Variants in NELL1 observed in about 807,000 individuals in gnomAD.
The protein encoded by NELL1 is neural EGFL like 1, also known as protein kinase C-binding protein NELL1.
NELL1 carries 76 observed loss-of-function variants against 107.4 expected under a neutral mutation model. That is an observed-to-expected ratio of 0.71 (90% CI 0.59 to 0.86). The LOEUF is 0.86. NELL1 is among the 40% of genes least tolerant of loss of function. The probability of loss-of-function intolerance (pLI) is 0.00; values close to 1 mark genes in which losing one functional copy is unlikely to be tolerated. For synonymous variants in NELL1, 353 were observed against 341.2 expected (o/e 1.03, Z -0.38); for missense variants, 1,024 against 1,005.5 (o/e 1.02, Z -0.25).
intron 2 of NELL1, among the ~76,000 whole-genome samples, chr11:20,732,777 T>C (rs983736930): frequency 6.6e-6 from 1 of 152,132 alleles, no homozygotes; most frequent in Non-Finnish European, 1.5e-5. Flanking sequence ...CTGTACAAAG[T>C]TTTAAGTACC....
intron 2 of NELL1, among the ~76,000 whole-genome samples, chr11:20,755,556 G>GTTTTTTTT (rs1188989442): frequency 8.6e-5 from 2 of 23,370 alleles, no homozygotes; most frequent in African/African-American, 1.7e-4. Flanking sequence ...TTTTGTTTTT[G>GTTTTTTTT]TTTTTGTTTT....
chr11:20,767,283 G>A (rs1423154526), intron 2 of NELL1, among the ~76,000 whole-genome samples: 5 of 152,142 alleles, frequency 3.3e-5, no homozygotes, highest in Non-Finnish European at 1.5e-5. Context: ...GCATGGAAGG[G>A]GAGCTGAGTG....
chr11:21,371,428 C>T (rs145857533), intron 15 of NELL1, among the ~76,000 whole-genome samples: 17 of 152,128 alleles, frequency 1.1e-4, no homozygotes, highest in African/African-American at 3.6e-4. Flanking sequence ...TTATTAGGAA[C>T]ATTATCATTC....
chr11:21,127,472 C>G (rs910822594), intron 13 of NELL1, among the ~76,000 whole-genome samples: 1 of 151,892 alleles, frequency 6.6e-6, no homozygotes, highest in Non-Finnish European at 1.5e-5. Context: ...TGTAATTAGC[C>G]AGGCATTATG....
intron 5 of NELL1, among the ~76,000 whole-genome samples, chr11:20,893,033 C>T (rs867456817): frequency 6.6e-6 from 1 of 151,182 alleles, no homozygotes; most frequent in South Asian, 2.1e-4. Context: ...CAATGTTAGA[C>T]TAAAGAAAAT....
intron 2 of NELL1, among the ~76,000 whole-genome samples, chr11:20,776,891 G>A (rs1856762271): frequency 6.6e-6 from 1 of 152,212 alleles, no homozygotes; most frequent in Non-Finnish European, 1.5e-5. Context: ...GTGACCTTGG[G>A]CAAGTCATGA....
At chr11:21,574,790 A>G (rs534462275) in intron 19 of NELL1, among the ~76,000 whole-genome samples, 182 bp from the exon 20 acceptor site, 12 of 151,978 alleles carry the variant, frequency 7.9e-5, no homozygotes, top group Admixed American at 7.2e-4. Context: ...AGGGTCTGTC[A>G]GTCCTTCCTT....
chr11:21,182,747 G>A (rs996365579), intron 13 of NELL1, among the ~76,000 whole-genome samples: 2 of 151,612 alleles, frequency 1.3e-5, no homozygotes, highest in Non-Finnish European at 2.9e-5. Flanking sequence ...ATAGAAAAAT[G>A]GTATAATAGG....
chr11:20,992,227 G>C (rs1377504793), intron 12 of NELL1, among the ~76,000 whole-genome samples: 1 of 152,162 alleles, frequency 6.6e-6, no homozygotes, highest in Admixed American at 6.5e-5. Flanking sequence ...ACCTAACAAA[G>C]AGGACTGGGT....
At chr11:20,945,749 A>G (rs1850948781) in intron 10 of NELL1, among the ~76,000 whole-genome samples, 2 of 152,202 alleles carry the variant, frequency 1.3e-5, no homozygotes, top group Admixed American at 1.3e-4. Context: ...CACATCAGGT[A>G]GGGACACTTG....
At chr11:21,155,057 G>T (rs1856202478) in intron 13 of NELL1, among the ~76,000 whole-genome samples, 1 of 152,152 alleles carries the variant, frequency 6.6e-6, no homozygotes, top group Admixed American at 6.6e-5. Flanking sequence ...TGAAGACAGT[G>T]AAGAAAGAGA....
At chr11:21,249,523 AG>A (rs1858584062) in intron 14 of NELL1, among the ~76,000 whole-genome samples, 1 of 152,152 alleles carries the variant, frequency 6.6e-6, no homozygotes, top group Non-Finnish European at 1.5e-5. Context: ...CTCTTTTGAA[AG>A]AACATTTTGT....
chr11:20,729,688 C>G (rs1245165670), intron 2 of NELL1, among the ~76,000 whole-genome samples: 1 of 152,148 alleles, frequency 6.6e-6, no homozygotes, highest in African/African-American at 2.4e-5. Flanking sequence ...ATCCATTCAT[C>G]CACTCACCTA....
At chr11:21,291,717 G>T (rs533606088) in intron 14 of NELL1, among the ~76,000 whole-genome samples, 1 of 152,096 alleles carries the variant, frequency 6.6e-6, no homozygotes, top group Non-Finnish European at 1.5e-5. Context: ...ACATCAAAAA[G>T]TTTATCCACC....
chr11:21,012,580 ACATACAGTTCG>A (rs1420189705), intron 12 of NELL1, among the ~76,000 whole-genome samples: 1 of 152,134 alleles, frequency 6.6e-6, no homozygotes, highest in Non-Finnish European at 1.5e-5. Context: ...AGTCTAATAT[ACATACAGTTCG>A]CTAAAAATGA....
intron 5 of NELL1, among the ~76,000 whole-genome samples, chr11:20,895,164 T>C (rs12282804): frequency 0.084 from 11,618 of 138,370 alleles, 2,065 homozygotes; most frequent in African/African-American, 0.31. Flanking sequence ...CCCAGCTACT[T>C]GGGAGGCTGA....
At chr11:20,693,770 T>C (rs1215723032) in intron 2 of NELL1, among the ~76,000 whole-genome samples, 1 of 151,886 alleles carries the variant, frequency 6.6e-6, no homozygotes, top group Non-Finnish European at 1.5e-5. Flanking sequence ...TGTCTTGGAG[T>C]TGCTCTTCTC....
chr11:20,978,086 A>T (rs2134240221), intron 12 of NELL1, among the ~76,000 whole-genome samples: 1 of 152,310 alleles, frequency 6.6e-6, no homozygotes, highest in African/African-American at 2.4e-5. Flanking sequence ...GTAGAGTTAG[A>T]GCTTTGATTC....
At chr11:21,300,911 A>G (rs1267235061) in intron 14 of NELL1, among the ~76,000 whole-genome samples, 2 of 151,864 alleles carry the variant, frequency 1.3e-5, no homozygotes, top group Non-Finnish European at 2.9e-5. Context: ...CCACCCCACA[A>G]CAGGCCCCAA....
Sources: allele counts gnomAD v4.1 joint callset (sites outside exome capture counted in the v4.1 genomes callset), GRCh38; gene constraint gnomAD v4.1.1; transcripts MANE v1.5; gene names NCBI Gene and HGNC (gene_info 2026-07-23, HGNC 2026-07-21).